DLGAP2: variants seen among roughly 807,000 people sequenced by gnomAD.
The protein encoded by DLGAP2 is DLG associated protein 2.
In DLGAP2, 26 loss-of-function variants were observed where a neutral mutation model predicts 100.3. That is an observed-to-expected ratio of 0.26 (90% CI 0.19 to 0.36). DLGAP2 has a LOEUF of 0.36. Among genes scored for constraint, DLGAP2 ranks in the 10% least tolerant of loss-of-function variants. The pLI, the probability that DLGAP2 is intolerant of heterozygous loss-of-function variation, is 1.00. For missense variants in DLGAP2, 1,858 were observed against 1,453.2 expected (o/e 1.28, Z -4.53); for synonymous variants, 886 against 630.1 (o/e 1.41, Z -6.08).
chr8:1,691,263 C>T (rs903930655), intron 12 of DLGAP2, among the ~76,000 whole-genome samples: 2 of 152,178 alleles, frequency 1.3e-5, no homozygotes, highest in Non-Finnish European at 2.9e-5. Flanking sequence ...AAGGAAAACT[C>T]CCTGAGGTAT....
chr8:756,258 C>G (rs1301548915), intron 1 of DLGAP2, among the ~76,000 whole-genome samples: 1 of 151,902 alleles, frequency 6.6e-6, no homozygotes, highest in Admixed American at 6.6e-5. Context: ...TGGGCTCATG[C>G]TGTTTAGCAA....
At chr8:882,420 C>T in intron 1 of DLGAP2, among the ~76,000 whole-genome samples, 1 of 142,634 alleles carries the variant, frequency 7.0e-6, no homozygotes, top group African/African-American at 2.6e-5. Context: ...CTCCTGCGCG[C>T]ACCCTCGCCT....
chr8:906,137 C>A (rs1232042838), intron 1 of DLGAP2, among the ~76,000 whole-genome samples: 2 of 152,210 alleles, frequency 1.3e-5, no homozygotes, highest in African/African-American at 4.8e-5. Flanking sequence ...CAGCACCCAG[C>A]AGAGCAGCTT....
chr8:1,577,774 G>T (rs1216017838), intron 6 of DLGAP2, among the ~76,000 whole-genome samples: 1 of 151,986 alleles, frequency 6.6e-6, no homozygotes, highest in East Asian at 1.9e-4. Context: ...AGCAACCTCG[G>T]ATTCCCACAG....
At chr8:1,417,899 C>G (rs886701353) in intron 3 of DLGAP2, among the ~76,000 whole-genome samples, 1 of 152,172 alleles carries the variant, frequency 6.6e-6, no homozygotes, top group African/African-American at 2.4e-5. Flanking sequence ...TTCCAGGAGC[C>G]TTTTGCTCTG....
rs199717345 is a variant in DLGAP2, at chr8:1,505,774, G to C, written c.172+4343G>C. Among the ~76,000 whole-genome samples, 6 of 152,248 alleles carry C rather than the reference G, an allele frequency of 3.9e-5. No individual in the cohort carries two copies. The East Asian group carries it at 7.7e-4, about 20-fold the overall frequency. Reference sequence around the variant, plus strand: ...TTAAATTGCTCTCTTAATAACTTTTGTAACATTGGCTCATTATGACGTTAC... The same window carrying C: ...TTAAATTGCTCTCTTAATAACTTTTCTAACATTGGCTCATTATGACGTTAC... On this transcript the variant is annotated intron_variant, in intron 4 of 14. Coordinates refer to ENST00000637795, the MANE Select transcript of DLGAP2 (RefSeq NM_001346810.2).
intron 1 of DLGAP2, among the ~76,000 whole-genome samples, chr8:781,955 T>A (rs555988372): frequency 6.6e-6 from 1 of 152,264 alleles, no homozygotes; most frequent in African/African-American, 2.4e-5. Flanking sequence ...GAGAGGCTGA[T>A]TAATGGGTAG....
At position 1,414,345 on chromosome 8, in the gene DLGAP2, C is replaced by G. The variant is rs796348746; in HGVS notation, c.107-87021C>G. Among the ~76,000 whole-genome samples, 70 of 152,278 alleles carry G rather than the reference C, an allele frequency of 4.6e-4. 1 individual carries two copies. Among genetic ancestry groups the G allele is most frequent in the African/African-American group, 1.7e-3 (69 of 41,560 alleles). The stretch of plus-strand genomic sequence containing the variant: ...GGCCAACAAGTCTGAAGGCTGTAGC[C>G]AGGGAGAGGCAGTGAGGACCTGCCA... On this transcript the variant is annotated intron_variant, in intron 3 of 14. Transcript: ENST00000637795.
At chr8:1,171,785 G>A (rs1016352094) in intron 2 of DLGAP2, among the ~76,000 whole-genome samples, 4 of 152,114 alleles carry the variant, frequency 2.6e-5, no homozygotes, top group East Asian at 1.9e-4. Context: ...GTCTCTGCAC[G>A]TGAGATGGGT....
chr8:1,696,278 G>T (rs1275258144), intron 13 of DLGAP2, among the ~76,000 whole-genome samples: 1 of 152,188 alleles, frequency 6.6e-6, no homozygotes, highest in Non-Finnish European at 1.5e-5. Context: ...AGGCAAGAGG[G>T]TTGCTTGAGC....
intron 8 of DLGAP2, among the ~76,000 whole-genome samples, chr8:1,633,543 A>C (rs1669795938): frequency 6.6e-6 from 1 of 152,228 alleles, no homozygotes; most frequent in South Asian, 2.1e-4. Flanking sequence ...CCGAAGACTC[A>C]GTCTCGCAAT....
chr8:1,688,439 C>T (rs1007859061), intron 12 of DLGAP2: 6 of 152,152 alleles, frequency 3.9e-5, no homozygotes, highest in African/African-American at 1.4e-4. Context: ...TCATCTTTTT[C>T]ATACCCTAGA....
At chr8:1,588,090 G>C (rs1453258530) in intron 6 of DLGAP2, among the ~76,000 whole-genome samples, 1 of 152,192 alleles carries the variant, frequency 6.6e-6, no homozygotes, top group Non-Finnish European at 1.5e-5. Context: ...GCACGATGAA[G>C]AGTGTTCAGA....
chr8:1,569,528 C>T (rs1310513547), intron 6 of DLGAP2, among the ~76,000 whole-genome samples: 1 of 152,226 alleles, frequency 6.6e-6, no homozygotes, highest in East Asian at 1.9e-4. Flanking sequence ...CAGGAGGTAT[C>T]AACACATTTT....
At position 1,228,957 on chromosome 8, in the gene DLGAP2, A is replaced by G. The variant is rs1290160421; in HGVS notation, c.74-29894A>G. ...AAGCAGATGAGAAAAAAGAAAAAGCATTCCTATTGGAAAGGAAGAAGCAAA... is the reference window on the plus strand; with the variant it reads ...AAGCAGATGAGAAAAAAGAAAAAGCGTTCCTATTGGAAAGGAAGAAGCAAA... On this transcript the variant is annotated intron_variant, in intron 2 of 14. Coordinates refer to ENST00000637795, the MANE Select transcript of DLGAP2 (RefSeq NM_001346810.2). Among the ~76,000 whole-genome samples the G allele has an allele frequency of 2.0e-5, 3 of 152,200 alleles. No homozygotes were observed. In the East Asian group the frequency reaches 5.8e-4, roughly 29 times the overall value.
intron 3 of DLGAP2, among the ~76,000 whole-genome samples, chr8:1,262,955 C>T (rs1049247918): frequency 3.9e-5 from 6 of 152,120 alleles, no homozygotes; most frequent in Admixed American, 6.5e-5. Context: ...ATAGATTTTC[C>T]GATGTGGGAA....
At chr8:1,163,372 G>T (rs986796412) in intron 2 of DLGAP2, among the ~76,000 whole-genome samples, 1 of 152,222 alleles carries the variant, frequency 6.6e-6, no homozygotes, top group Non-Finnish European at 1.5e-5. Flanking sequence ...TCCGCTCAGC[G>T]GGTCCGCGGT....
At chr8:1,323,026 C>T (rs1011670494) in intron 3 of DLGAP2, among the ~76,000 whole-genome samples, 2 of 151,266 alleles carry the variant, frequency 1.3e-5, no homozygotes, top group African/African-American at 4.9e-5. Flanking sequence ...CACTGTTAAA[C>T]TCACAATTTT....
intron 2 of DLGAP2, among the ~76,000 whole-genome samples, chr8:1,009,623 A>G (rs1047267100): frequency 3.3e-5 from 5 of 152,362 alleles, no homozygotes; most frequent in African/African-American, 1.2e-4. Context: ...AGTTGGAAGC[A>G]GAGTCCATTA....
Sources: gnomAD v4.1 joint callset for allele counts (sites outside exome capture counted in the v4.1 genomes callset) on GRCh38, gnomAD v4.1.1 for gene constraint, MANE v1.5 for transcripts, NCBI Gene and HGNC (gene_info 2026-07-23, HGNC 2026-07-21) for gene names.